The following C2CD5 variants were observed in gnomAD, a reference collection of about 807,000 sequenced individuals.
C2CD5 encodes the protein C2 calcium dependent domain containing 5, also known as C2 domain-containing protein 5.
C2CD5 carries 109 observed loss-of-function variants against 130.3 expected under a neutral mutation model. The ratio of observed to expected loss-of-function variants is 0.84; its 90% CI spans 0.72 to 0.98. The LOEUF (loss-of-function observed/expected upper bound fraction) is 0.98, where lower values mean the gene tolerates loss of function less well. C2CD5 is among the 50% of genes least tolerant of loss of function. The probability of loss-of-function intolerance (pLI) is 0.00; values close to 1 mark genes in which losing one functional copy is unlikely to be tolerated. For missense variants in C2CD5, 996 were observed against 1,261.8 expected (o/e 0.79, Z 3.19); for synonymous variants, 454 against 429.2 (o/e 1.06, Z -0.71).
chr12:22,511,545 T>A (rs1949200465), intron 9 of C2CD5, among the ~76,000 whole-genome samples: 1 of 152,238 alleles, frequency 6.6e-6, no homozygotes, highest in Non-Finnish European at 1.5e-5. Flanking sequence ...AGGTTGTAAA[T>A]GAAAACTATA....
chr12:22,514,725 A>T (rs567677531), intron 8 of C2CD5, among the ~76,000 whole-genome samples: 3 of 152,050 alleles, frequency 2.0e-5, no homozygotes, highest in Non-Finnish European at 4.4e-5. Context: ...ATCTAATAAT[A>T]TTAGAAATAC....
intron 6 of C2CD5, 105 bp downstream of exon 6, chr12:22,524,367 T>C (rs1426347703): frequency 5.5e-6 from 5 of 907,638 alleles, no homozygotes; most frequent in South Asian, 1.5e-5. Context: ...CAGTCACTTA[T>C]AATTCATAGC....
intron 2 of C2CD5, among the ~76,000 whole-genome samples, chr12:22,543,286 C>G (rs1414899954): frequency 6.6e-6 from 1 of 152,210 alleles, no homozygotes; most frequent in Non-Finnish European, 1.5e-5. Flanking sequence ...GGCCGTAGGC[C>G]TTTACTAATT....
In C2CD5 at chr12:22,506,795, C is replaced by T. The variant is rs779301015; in HGVS notation, c.1063G>A (p.Ala355Thr). 18 of 1,608,918 alleles carry T rather than the reference C, an allele frequency of 1.1e-5. No homozygotes were observed. The highest frequency in any genetic ancestry group is 1.4e-5 in the Non-Finnish European group (17 of 1,175,578). The change falls in exon 10 of 27, where the codon GCA (alanine) becomes ACA (threonine). Residue 355 changes from alanine (A) to threonine (T), a missense_variant. By Grantham distance (58) the Ala-to-Thr change is moderately conservative. Coordinates refer to ENST00000446597, the MANE Select transcript of C2CD5 (RefSeq NM_001286176.2). ...QREFPFFTLTAFPPGFLVHVG... is the reference protein window; with the variant it reads ...QREFPFFTLTTFPPGFLVHVG... ...TGTACAAGGAATCCAGGAGGAAATG[C>T]CGTCAAGGTAAAAAATGGAAATTCC...
At chr12:22,514,582 AC>A (rs1468440046) in intron 8 of C2CD5, among the ~76,000 whole-genome samples, 2 of 152,112 alleles carry the variant, frequency 1.3e-5, no homozygotes, top group Non-Finnish European at 2.9e-5. Context: ...TGAGACTTAA[AC>A]TGATTCAAAC....
chr12:22,513,463 T>A (rs1591932820), intron 8 of C2CD5, 84 bp from the exon 9 acceptor site: 3 of 825,844 alleles, frequency 3.6e-6, no homozygotes, highest in African/African-American at 1.7e-5. Flanking sequence ...ATAAACATCA[T>A]GAGTTGAAAT....
intron 22 of C2CD5, chr12:22,463,413 A>G (rs1941538162): frequency 6.6e-6 from 1 of 151,728 alleles, no homozygotes; most frequent in South Asian, 2.1e-4. Flanking sequence ...AAAGTAGGAC[A>G]TTTAAGGCCT....
chr12:22,502,963 G>T (rs570866083), intron 10 of C2CD5, among the ~76,000 whole-genome samples: 34 of 152,190 alleles, frequency 2.2e-4, no homozygotes, highest in Non-Finnish European at 4.4e-4. Flanking sequence ...ATAGAAAGGG[G>T]GAAAGGAGCA....
chr12:22,526,723 A>G (rs778449435), intron 4 of C2CD5, among the ~76,000 whole-genome samples: 7 of 152,136 alleles, frequency 4.6e-5, no homozygotes, highest in Non-Finnish European at 1.0e-4. Flanking sequence ...AAAAATTCCA[A>G]GAATAAGGGT....
chr12:22,463,991 A>C lies in C2CD5; in HGVS notation c.2534-4449T>G, dbSNP rs1941641423. 2.0e-5 allele frequency: 3 copies of C among 152,230 alleles called. No homozygotes were observed. In the South Asian group the frequency reaches 6.2e-4, roughly 31 times the overall value. 9.4% of individuals were successfully genotyped at this position (152,230 alleles called of 1,614,324 possible). ...TCCATCAATTGATAATGCATTGATTAGTTATGCTTTATAAGTATAAAATCT... is the reference window on the plus strand; with the variant it reads ...TCCATCAATTGATAATGCATTGATTCGTTATGCTTTATAAGTATAAAATCT... On this transcript the variant is annotated intron_variant, in intron 22 of 26. Transcript: ENST00000446597.
intron 14 of C2CD5, among the ~76,000 whole-genome samples, chr12:22,481,798 A>AT (rs762273958): frequency 0.056 from 5,193 of 93,124 alleles, 417 homozygotes; most frequent in African/African-American, 0.18. Context: ...CACCTGGTGT[A>AT]TTTTTTTTTT....
chr12:22,476,124 T>C (rs1019121351), intron 15 of C2CD5, among the ~76,000 whole-genome samples: 6 of 152,176 alleles, frequency 3.9e-5, no homozygotes, highest in African/African-American at 1.2e-4. Flanking sequence ...TTTGATACCT[T>C]TGATTATCTC....
At chr12:22,541,650 C>T (rs1258410097) in intron 2 of C2CD5, among the ~76,000 whole-genome samples, 4 of 152,214 alleles carry the variant, frequency 2.6e-5, no homozygotes, top group Non-Finnish European at 2.9e-5. Context: ...CCCTCAGCAG[C>T]AGGCTCCTTC....
chr12:22,528,755 C>T (rs571325414), intron 3 of C2CD5, among the ~76,000 whole-genome samples: 73 of 152,230 alleles, frequency 4.8e-4, no homozygotes, highest in African/African-American at 1.4e-3. Flanking sequence ...ATCTCTGTAT[C>T]ATTCTTACAT....
At chr12:22,533,708 C>A (rs1951536655) in intron 3 of C2CD5, among the ~76,000 whole-genome samples, 1 of 152,156 alleles carries the variant, frequency 6.6e-6, no homozygotes. Context: ...TGAAAAGAGA[C>A]CTGGGTGAGG....
intron 24 of C2CD5, 84 bp downstream of exon 24, chr12:22,458,400 G>A (rs915326296): frequency 6.0e-5 from 30 of 502,988 alleles, no homozygotes; most frequent in Middle Eastern, 2.9e-4. Context: ...TGTTATTACT[G>A]GGTAGTAAGG....
At chr12:22,505,254 CT>C (rs371726014) in intron 10 of C2CD5, among the ~76,000 whole-genome samples, 2,910 of 106,334 alleles carry the variant, frequency 0.027, 44 homozygotes, top group African/African-American at 0.14. Context: ...TTCTTTCTTT[CT>C]TTTTTTTTTT....
intron 21 of C2CD5, 142 bp downstream of exon 21, chr12:22,470,682 T>A (rs1591980387): frequency 1.7e-6 from 1 of 603,368 alleles, no homozygotes; most frequent in Non-Finnish European, 2.9e-6. Flanking sequence ...CACACAGTTA[T>A]CTTCATAAAG....
intron 22 of C2CD5, among the ~76,000 whole-genome samples, chr12:22,460,134 G>A (rs1940815970): frequency 6.6e-6 from 1 of 152,140 alleles, no homozygotes; most frequent in Non-Finnish European, 1.5e-5. Context: ...GGAATCCCAA[G>A]CCAGTATCAC....
Sources: allele counts gnomAD v4.1 joint callset (sites outside exome capture counted in the v4.1 genomes callset), GRCh38; gene constraint gnomAD v4.1.1; transcripts MANE v1.5; gene names NCBI Gene and HGNC (gene_info 2026-07-23, HGNC 2026-07-21).